Variants in ZNF185 observed in about 807,000 individuals in gnomAD.
The protein encoded by ZNF185 is zinc finger protein 185.
A neutral mutation model predicts 58.6 loss-of-function variants in ZNF185; 56 were observed. The observed-to-expected ratio is 0.95, with a 90% CI of 0.77 to 1.19. The LOEUF is 1.19. Ranked by LOEUF, ZNF185 falls within the 50% of genes most tolerant of loss-of-function variation. The pLI, the probability that ZNF185 is intolerant of heterozygous loss-of-function variation, is 0.00. For missense variants in ZNF185, 627 were observed against 573.5 expected, an observed-to-expected ratio of 1.09 and a Z score of -0.95; for synonymous variants, 230 against 215.9, an observed-to-expected ratio of 1.07 and a Z score of -0.57.
intron 14 of ZNF185, among the ~76,000 whole-genome samples, chrX:152,937,238 G>A (rs1406037617): frequency 3.6e-5 from 4 of 111,908 alleles, no homozygotes; most frequent in African/African-American, 9.8e-5. Flanking sequence ...AAGAACACTC[G>A]AGAGATAGCA....
chrX:152,964,908 G>T (rs781993171), intron 18 of ZNF185, among the ~76,000 whole-genome samples: 4 of 111,785 alleles, frequency 3.6e-5, no homozygotes, highest in Non-Finnish European at 7.5e-5. Flanking sequence ...TCCTGCAGAG[G>T]CCAGTCCAGG....
chrX:152,919,194 G>A, intron 7 of ZNF185, 113 bp downstream of exon 8: 1 of 566,595 alleles, frequency 1.8e-6, no homozygotes, highest in East Asian at 3.6e-5. Context: ...CAACACGTAG[G>A]CCATCAGCGG....
At chrX:152,964,726 G>A (rs1556913192) in intron 18 of ZNF185, among the ~76,000 whole-genome samples, 2 of 111,100 alleles carry the variant, frequency 1.8e-5, no homozygotes. Context: ...TGCAGGAAGG[G>A]ATGTCACTGC....
chrX:152,911,041 G>C (rs1345559435), upstream of ZNF185, among the ~76,000 whole-genome samples: 1 of 111,821 alleles, frequency 8.9e-6, no homozygotes, highest in Non-Finnish European at 1.9e-5. Flanking sequence ...CTGTCACAGG[G>C]TGCCTGGGCT....
chrX:152,898,771 G>A, the ZNF185 span, among the ~76,000 whole-genome samples: 5 of 112,594 alleles, frequency 4.4e-5, no homozygotes, highest in South Asian at 3.7e-4. Context: ...GACAGAAGGC[G>A]CCGAATCAGG....
chrX:152,898,736 T>G, the ZNF185 span, among the ~76,000 whole-genome samples: 1 of 112,204 alleles, frequency 8.9e-6, no homozygotes, highest in Non-Finnish European at 1.9e-5. Flanking sequence ...GGGAGGGCCA[T>G]GAGGATGGTG....
At chrX:152,960,684 T>C (rs782348535) in intron 17 of ZNF185, among the ~76,000 whole-genome samples, 12 of 112,363 alleles carry the variant, frequency 1.1e-4, no homozygotes, top group Non-Finnish European at 1.9e-4. Context: ...TTTGAAAATG[T>C]TTTTACAGGC....
At chrX:152,921,790 G>A (rs1226481175) in intron 9 of ZNF185, among the ~76,000 whole-genome samples, 8 of 110,932 alleles carry the variant, frequency 7.2e-5, no homozygotes, top group East Asian at 2.8e-4. Context: ...CAGTCTGTGC[G>A]TCTGTCTTCA....
At chrX:152,937,528 T>C (rs2046452165) in intron 14 of ZNF185, among the ~76,000 whole-genome samples, 1 of 111,373 alleles carries the variant, frequency 9.0e-6, no homozygotes, top group Non-Finnish European at 1.9e-5. Context: ...TTGCTCTCTC[T>C]CTTTCTCTAG....
At chrX:152,924,822 T>C (rs1940529653) in intron 11 of ZNF185, among the ~76,000 whole-genome samples, 1 of 111,942 alleles carries the variant, frequency 8.9e-6, no homozygotes, top group Non-Finnish European at 1.9e-5. Flanking sequence ...GTAGCTGGGA[T>C]TACAGGTGCA....
At chrX:152,917,748 A>C (rs1190101639) in intron 5 of ZNF185, 1 of 924,422 alleles carries the variant, frequency 1.1e-6, no homozygotes, top group Admixed American at 4.3e-5. Context: ...AGAAGGCTGA[A>C]GTTGCATGCA....
intron 13 of ZNF185, 63 bp downstream of exon 14, chrX:152,931,839 G>A (rs1252195183): frequency 9.9e-7 from 1 of 1,007,201 alleles, no homozygotes. Context: ...ACACCCAGCT[G>A]AAGGACTTCC....
At chrX:152,967,064 T>G in intron 19 of ZNF185, 103 bp from the exon 22 acceptor site, 1 of 783,453 alleles carries the variant, frequency 1.3e-6, no homozygotes, top group Non-Finnish European at 1.9e-6. Flanking sequence ...ACTGGCATCG[T>G]AGTTATGTCT....
intron 22 of ZNF185, among the ~76,000 whole-genome samples, chrX:152,970,850 AATAAAG>A (rs1210684200): frequency 9.0e-6 from 1 of 111,313 alleles, no homozygotes; most frequent in Admixed American, 9.6e-5. Context: ...GCAACAAGGA[AATAAAG>A]ATATAGAAAG....
At chrX:152,908,635 C>T in the ZNF185 span, among the ~76,000 whole-genome samples, 24 of 112,727 alleles carry the variant, frequency 2.1e-4, no homozygotes, top group South Asian at 8.8e-3. Context: ...CTCCCTCCAG[C>T]GGGTGAGCAT....
the ZNF185 span, among the ~76,000 whole-genome samples, chrX:152,903,281 A>C: frequency 9.7e-6 from 1 of 102,724 alleles, no homozygotes; most frequent in South Asian, 5.0e-4. Flanking sequence ...CCCGGCCACT[A>C]GGGAGGCTGA....
At chrX:152,967,515 C>T (rs2050237059) in intron 20 of ZNF185, among the ~76,000 whole-genome samples, 1 of 112,253 alleles carries the variant, frequency 8.9e-6, no homozygotes, top group African/African-American at 3.2e-5. Context: ...GGACTCGTGT[C>T]AGCAGGAGGG....
At chrX:152,956,367 T>A (rs1272905406) in intron 16 of ZNF185, among the ~76,000 whole-genome samples, 2 of 112,318 alleles carry the variant, frequency 1.8e-5, no homozygotes, top group Non-Finnish European at 3.8e-5. Context: ...GATATACATA[T>A]TAGAATTTTA....
chrX:152,900,911 G>A, the ZNF185 span, among the ~76,000 whole-genome samples: 3 of 112,621 alleles, frequency 2.7e-5, no homozygotes, highest in African/African-American at 6.5e-5. Context: ...GTACTGAAGG[G>A]TGGCTAAAGC....
Sources: allele counts gnomAD v4.1 joint callset (sites outside exome capture counted in the v4.1 genomes callset), GRCh38; gene constraint gnomAD v4.1.1; transcripts MANE v1.5; gene names NCBI Gene and HGNC (gene_info 2026-07-23, HGNC 2026-07-21).